Variants in CCDC125 observed in about 807,000 individuals in gnomAD.
The protein encoded by CCDC125 is coiled-coil domain containing 125, also known as coiled-coil domain-containing protein 125.
A neutral mutation model predicts 57.4 loss-of-function variants in CCDC125; 43 were observed. That is an observed-to-expected ratio of 0.75 (90% confidence interval 0.59 to 0.97). The LOEUF (loss-of-function observed/expected upper bound fraction) is 0.97. Ranked by LOEUF, CCDC125 falls within the 50% of genes least tolerant of loss-of-function variation. The pLI is 0.00. For missense variants in CCDC125, 563 were observed against 595.7 expected (o/e 0.95, Z 0.57); for synonymous variants, 187 against 195.2 (o/e 0.96, Z 0.35).
downstream of CCDC125, among the ~76,000 whole-genome samples, chr5:69,275,673 A>C (rs1475893512): frequency 6.6e-6 from 1 of 152,202 alleles, no homozygotes. Context: ...AATTAAAAAT[A>C]TTTTATAAAA....
chr5:69,306,798 A>G lies in CCDC125; in HGVS notation c.617+19T>C. On this transcript the variant is annotated intron_variant, in intron 6 of 11. Coordinates refer to ENST00000396496, the MANE Select transcript of CCDC125 (RefSeq NM_176816.5). ...ATTTTAAAGGTTGTCAAAGAAAAAT[A>G]ATGGAGTAATATACAAACCTGTCAT... is the stretch of plus-strand genomic sequence containing the variant. 1 of 1,387,556 alleles carries G rather than the reference A, an allele frequency of 7.2e-7. No homozygotes were observed. Among genetic ancestry groups the G allele is most frequent in the South Asian group, 2.0e-5 (1 of 50,116 alleles). 86.0% of individuals were successfully genotyped at this position (1,387,556 alleles called of 1,614,324 possible). A position where few individuals can be genotyped will look rare whatever the true frequency, so the allele number is the denominator to read the frequency against.
chr5:69,287,086 A>G (rs977508381), intron 10 of CCDC125, among the ~76,000 whole-genome samples: 8 of 152,036 alleles, frequency 5.3e-5, no homozygotes, highest in Non-Finnish European at 8.8e-5. Flanking sequence ...CTAAACTGCC[A>G]TATCAAAAAG....
chr5:69,286,217 T>C (rs1753364613), intron 10 of CCDC125, among the ~76,000 whole-genome samples: 2 of 127,624 alleles, frequency 1.6e-5, no homozygotes, highest in Non-Finnish European at 3.3e-5. Flanking sequence ...TATATATATA[T>C]ATATATATAT....
At position 69,280,704 on chromosome 5, in the gene CCDC125, C is replaced by G. The variant is rs766437393; in HGVS notation, c.*2025G>C. ...GTATCACAACAGCTGTCAACACATG[C>G]ATTTTGCTTTATTCATTTGCTTTAT... On this transcript the variant is annotated 3_prime_UTR_variant, in exon 12 of 12. Transcript: ENST00000396496. The G allele has an allele frequency of 3.9e-5, 6 of 152,218 alleles. No homozygotes were observed. The highest frequency in any genetic ancestry group is 7.3e-5 in the Non-Finnish European group (5 of 68,044). The allele number at this position is 152,218 out of a possible 1,614,324, so 9.4% of individuals were successfully genotyped here. A position where few individuals can be genotyped will look rare whatever the true frequency, so the allele number is the denominator to read the frequency against.
intron 8 of CCDC125, among the ~76,000 whole-genome samples, chr5:69,299,015 A>G (rs889213094): frequency 6.6e-6 from 1 of 152,122 alleles, no homozygotes; most frequent in Non-Finnish European, 1.5e-5. Flanking sequence ...TAAATATGTC[A>G]ATGTATGTAA....
intron 1 of CCDC125, 61 bp from the exon 2 acceptor site, chr5:69,320,641 G>C: frequency 1.4e-6 from 1 of 708,350 alleles, no homozygotes; most frequent in East Asian, 2.5e-5. Context: ...CCCACCTCTC[G>C]ATATTTACCC....
intron 5 of CCDC125, 44 bp from the exon 6 acceptor site, chr5:69,306,946 A>G: frequency 6.9e-7 from 1 of 1,447,364 alleles, no homozygotes; most frequent in South Asian, 1.6e-5. Context: ...TACTACAAAT[A>G]AATCATTTCA....
At chr5:69,290,004 C>T (rs1302550151) in intron 10 of CCDC125, among the ~76,000 whole-genome samples, 1 of 151,788 alleles carries the variant, frequency 6.6e-6, no homozygotes, top group Non-Finnish European at 1.5e-5. Flanking sequence ...TGTTACAAAA[C>T]ATTATATTTT....
rs1481234247 is a variant in CCDC125, at chr5:69,320,669, T to C, written c.-40-89A>G. 3 of 638,104 alleles carry C rather than the reference T, an allele frequency of 4.7e-6. No homozygotes were observed. In the East Asian group the frequency reaches 8.0e-5, roughly 17 times the overall value. 39.5% of individuals were successfully genotyped at this position (638,104 alleles called of 1,614,324 possible). ...ATTTACCCAAAACATTTGAAATCAG[T>C]ATGTCAAAGAGATGTCTACATTCCC... On this transcript the variant is annotated intron_variant, in intron 1 of 11. Transcript: ENST00000396496.
intron 1 of CCDC125, among the ~76,000 whole-genome samples, chr5:69,324,986 G>A (rs547944316): frequency 6.6e-6 from 1 of 152,284 alleles, no homozygotes. Context: ...GAAGTTTTCT[G>A]GGGTAATGGA....
intron 7 of CCDC125, among the ~76,000 whole-genome samples, chr5:69,302,511 G>A (rs1230117978): frequency 6.7e-6 from 1 of 150,044 alleles, no homozygotes; most frequent in East Asian, 1.9e-4. Context: ...GGATCACGAG[G>A]TCAGGAGATT....
chr5:69,290,637 T>TC (rs1390602722), intron 10 of CCDC125, among the ~76,000 whole-genome samples: 1 of 142,810 alleles, frequency 7.0e-6, no homozygotes, highest in Non-Finnish European at 1.5e-5. Flanking sequence ...TTCTTTTTTT[T>TC]TTTTTTTTGT....
In CCDC125 at chr5:69,308,020, CA is replaced by C; in HGVS notation, c.461del (p.Leu154ArgfsTer26). 1 of 1,612,858 alleles carries C rather than the reference CA, an allele frequency of 6.2e-7. No homozygotes were observed. Among genetic ancestry groups the C allele is most frequent in the Non-Finnish European group, 8.5e-7 (1 of 1,178,982 alleles). On this transcript the variant is annotated frameshift_variant, in exon 5 of 12. Transcript: ENST00000396496. LOFTEE classifies it high-confidence loss of function. ...ALKILQSMAILGKATSHTQAV... is the reference protein window; with the variant it reads ...ALKILQSMAIXGKATSHTQAV... ...CCTGCGTATGACTTGTGGCTTTGCC[CA>C]GTATTGCCTAAGAAAAATAAAACTA...
At chr5:69,297,650 C>T (rs570689478) in intron 8 of CCDC125, among the ~76,000 whole-genome samples, 2 of 151,428 alleles carry the variant, frequency 1.3e-5, no homozygotes, top group African/African-American at 2.4e-5. Context: ...TTAGCCACCG[C>T]ACCTGGCCCA....
chr5:69,320,755 A>G (rs545710819), intron 1 of CCDC125, among the ~76,000 whole-genome samples, 175 bp from the exon 2 acceptor site: 1 of 152,230 alleles, frequency 6.6e-6, no homozygotes, highest in Admixed American at 6.5e-5. Context: ...GTGTCCATCA[A>G]AGATGAACAG....
At chr5:69,307,724 G>T in intron 5 of CCDC125, 1 of 510,392 alleles carries the variant, frequency 2.0e-6, no homozygotes. Context: ...TACCAATTTG[G>T]CAGGCCTCCT....
chr5:69,286,224 ATATATATAT>A (rs1383277349), intron 10 of CCDC125, among the ~76,000 whole-genome samples: 3 of 83,596 alleles, frequency 3.6e-5, no homozygotes, highest in Admixed American at 1.3e-4. Flanking sequence ...ATATATATAT[ATATATATAT>A]AATTTTTTTT....
intron 8 of CCDC125, 54 bp from the exon 9 acceptor site, chr5:69,294,954 C>T: frequency 1.4e-6 from 2 of 1,451,086 alleles, no homozygotes; most frequent in Non-Finnish European, 9.6e-7. Flanking sequence ...GTTTTAGCTG[C>T]ACACAAACAC....
At chr5:69,298,987 T>C (rs1331872318) in intron 8 of CCDC125, among the ~76,000 whole-genome samples, 1 of 152,222 alleles carries the variant, frequency 6.6e-6, no homozygotes, top group Non-Finnish European at 1.5e-5. Context: ...ACCCACTTTA[T>C]GGGGTAGTTG....
Sources: allele counts gnomAD v4.1 joint callset (sites outside exome capture counted in the v4.1 genomes callset), GRCh38; gene constraint gnomAD v4.1.1; transcripts MANE v1.5; gene names NCBI Gene and HGNC (gene_info 2026-07-23, HGNC 2026-07-21).